TUBB4A: variants seen among roughly 807,000 people sequenced by gnomAD.
The protein encoded by TUBB4A is tubulin beta 4A class IVa.
TUBB4A carries 13 observed loss-of-function variants against 35.1 expected under a neutral mutation model. The observed-to-expected ratio is 0.37, with a 90% CI of 0.24 to 0.59. TUBB4A has a LOEUF of 0.59. TUBB4A is among the 20% of genes least tolerant of loss of function. The probability of loss-of-function intolerance (pLI) is 0.71; values close to 1 mark genes in which losing one functional copy is unlikely to be tolerated. For missense variants in TUBB4A, 299 were observed against 647.2 expected (o/e 0.46, Z 5.84); for synonymous variants, 279 against 272.4 (o/e 1.02, Z -0.24).
In TUBB4A at chr19:6,495,578, G is replaced by A. The variant is rs118102196; in HGVS notation, c.921C>T (p.His307=). ...CGGCGGCCACGGTCAGGTAGCGGCC[G>A]TGGCGCGGGTCGCACGCCGCCATCA... ...KNMMAACDPR[H]GRYLTVAAVF... Residue 307 remains histidine, a synonymous_variant, in exon 4 of 4, where the codon CAC becomes CAT. Transcript: ENST00000264071. This position sits in a 1 kb window ranked among gnomAD's most constrained non-coding sequence, Gnocchi z 8.7. 33,046 of 1,613,948 alleles carry A rather than the reference G, an allele frequency of 0.02. 429 individuals are homozygous for A. The highest frequency in any genetic ancestry group is 0.038 in the Middle Eastern group (229 of 6,048).
chr19:6,502,125 A>C, intron 1 of TUBB4A, 31 bp downstream of exon 1: 1 of 1,542,480 alleles, frequency 6.5e-7, no homozygotes, highest in Non-Finnish European at 8.7e-7. Flanking sequence ...CGGGGCCGCC[A>C]CTGCCTCCCC....
chr19:6,498,077 G>A (rs1196487408), intron 3 of TUBB4A, among the ~76,000 whole-genome samples: 1 of 151,110 alleles, frequency 6.6e-6, no homozygotes, highest in Non-Finnish European at 1.5e-5. Flanking sequence ...TGGATGTGGT[G>A]GTGGGTGCCT....
rs150446118 is a variant in TUBB4A, at chr19:6,495,161, A to G, written c.*3T>C. The G allele has an allele frequency of 1.7e-3, 2,705 of 1,613,558 alleles. 43 individuals carry two copies. In the African/African-American group the frequency reaches 0.032, roughly 19 times the overall value. ...GGGACAGGTGGGAAGCGATGGGAGC[A>G]GCCTAGGCCACCTCCTCCTCCGCCT... On this transcript the variant is annotated 3_prime_UTR_variant, in exon 4 of 4. Coordinates refer to ENST00000264071, the MANE Select transcript of TUBB4A (RefSeq NM_006087.4). The surrounding 1 kb of genome is among the most constrained non-coding windows in gnomAD (Gnocchi z 8.7).
intron 3 of TUBB4A, among the ~76,000 whole-genome samples, chr19:6,499,136 GGCCAACATGGCGAAACCCC>G (rs1246819609): frequency 6.6e-6 from 1 of 152,144 alleles, no homozygotes; most frequent in Non-Finnish European, 1.5e-5. Context: ...AGACCAGCCT[GGCCAACATGGCGAAACCCC>G]GTCACTATTA....
Position 6,501,763 on chromosome 19 carries a change from G to A in TUBB4A, c.58-140C>T. 2.9e-6 allele frequency: 2 copies of A among 688,770 alleles called. No individual in the cohort carries two copies. The highest frequency in any genetic ancestry group is 4.9e-6 in the Non-Finnish European group (2 of 406,968). 42.7% of individuals were successfully genotyped at this position (688,770 alleles called of 1,614,324 possible). A position where few individuals can be genotyped will look rare whatever the true frequency, so the allele number is the denominator to read the frequency against. ...ACGGGGGACCTAGAGGCATGGTGTC[G>A]GGGCGAGGATGAGGCAGCAAGAAGG... On this transcript the variant is annotated intron_variant, in intron 1 of 3. Transcript: ENST00000264071. This position sits in a 1 kb window ranked among gnomAD's most constrained non-coding sequence, Gnocchi z 4.2.
chr19:6,499,648 C>T (rs1399525245), intron 3 of TUBB4A, among the ~76,000 whole-genome samples: 1 of 152,204 alleles, frequency 6.6e-6, no homozygotes, highest in African/African-American at 2.4e-5. Flanking sequence ...AACATCTTTC[C>T]TCCCTTCCAT....
At chr19:6,499,819 C>T (rs549945786) in intron 3 of TUBB4A, among the ~76,000 whole-genome samples, 19 of 148,142 alleles carry the variant, frequency 1.3e-4, no homozygotes, top group African/African-American at 4.3e-4. Flanking sequence ...TTTTTGGAGA[C>T]GAAGTTTCAC....
rs749949876 is a variant in TUBB4A at position 6,501,470 on chromosome 19, T to C, written c.166+45A>G. ...AGGCGCCCGGTAGCATCCTGTTCCC[T>C]CCCAGCTGCCCCTTCCCACCTGGAA... On this transcript the variant is annotated intron_variant, in intron 2 of 3. Coordinates refer to ENST00000264071, the MANE Select transcript of TUBB4A (RefSeq NM_006087.4). The surrounding 1 kb of genome is among the most constrained non-coding windows in gnomAD (Gnocchi z 4.2). 3.7e-6 allele frequency: 6 copies of C among 1,606,226 alleles called. No homozygotes were observed. Among genetic ancestry groups the C allele is most frequent in the Non-Finnish European group, 5.1e-6 (6 of 1,174,200 alleles).
Position 6,494,855 on chromosome 19 carries a change from G to A in TUBB4A, c.*309C>T, listed in dbSNP as rs1205656120. ...GGCAGAGGTCAAAGGTGAAGCAGAA[G>A]TCAGGGGTGAAGGAAGGTCTGCAAA... On this transcript the variant is annotated 3_prime_UTR_variant, in exon 4 of 4. Transcript: ENST00000264071. The A allele has an allele frequency of 2.4e-5, 12 of 491,108 alleles. No individual in the cohort carries two copies. Among genetic ancestry groups the A allele is most frequent in the Non-Finnish European group, 4.4e-5 (12 of 270,018 alleles). 30.4% of individuals were successfully genotyped at this position (491,108 alleles called of 1,614,324 possible). A position where few individuals can be genotyped will look rare whatever the true frequency, so the allele number is the denominator to read the frequency against.
intron 3 of TUBB4A, among the ~76,000 whole-genome samples, chr19:6,499,649 T>G (rs1387792924): frequency 6.6e-6 from 1 of 152,148 alleles, no homozygotes; most frequent in Non-Finnish European, 1.5e-5. Context: ...ACATCTTTCC[T>G]CCCTTCCATG....
rs115002540 is a variant in TUBB4A at position 6,499,521 on chromosome 19, C to T, written c.277+1766G>A. The stretch of plus-strand genomic sequence containing the variant: ...TCTTACATGCTGGGAGTATTGGAGG[C>T]GGGTGGAGCCAGGGTGGGGACATGC... On this transcript the variant is annotated intron_variant, in intron 3 of 3. Coordinates refer to ENST00000264071, the MANE Select transcript of TUBB4A (RefSeq NM_006087.4). 3.2e-3 allele frequency among the ~76,000 whole-genome samples: 492 copies of T among 152,242 alleles called. 6 individuals carry two copies. The highest frequency in any genetic ancestry group is 0.01 in the African/African-American group (422 of 41,542).
At chr19:6,497,217 CAAAT>C (rs1031855549) in intron 3 of TUBB4A, among the ~76,000 whole-genome samples, 3 of 148,752 alleles carry the variant, frequency 2.0e-5, no homozygotes, top group Non-Finnish European at 3.0e-5. Flanking sequence ...GTCTCTAAAA[CAAAT>C]AAATAATAAC....
chr19:6,498,300 C>A (rs1914363140), intron 3 of TUBB4A, among the ~76,000 whole-genome samples: 1 of 152,138 alleles, frequency 6.6e-6, no homozygotes, highest in South Asian at 2.1e-4. Context: ...TCTGTCTCCA[C>A]CTTAGTTCAG....
At position 6,495,473 on chromosome 19, in the gene TUBB4A, C is replaced by T; in HGVS notation, c.1026G>A (p.Val342=). ...SVQSKNSSYF[V]EWIPNNVKTA... ...TCTTCACGTTGTTGGGGATCCACTC[C>T]ACGAAGTAGCTGCTGTTCTTGCTCT... The change falls in exon 4 of 4, where the codon GTG becomes GTA. Residue 342 remains valine (V), a synonymous_variant. Transcript: ENST00000264071. This position sits in a 1 kb window ranked among gnomAD's most constrained non-coding sequence, Gnocchi z 8.7. The T allele has an allele frequency of 6.2e-7, 1 of 1,614,216 alleles. No individual in the cohort carries two copies. The highest frequency in any genetic ancestry group is 8.5e-7 in the Non-Finnish European group (1 of 1,180,038).
At position 6,497,030 on chromosome 19, in the gene TUBB4A, T is replaced by A. The variant is rs1415924862; in HGVS notation, c.278-809A>T. Among the ~76,000 whole-genome samples, 119 of 18,558 alleles carry A rather than the reference T, an allele frequency of 6.4e-3. 6 individuals carry two copies. The highest frequency in any genetic ancestry group is 7.0e-3 in the African/African-American group (26 of 3,728). The allele number at this position is 18,558 out of a possible 152,430, so 12.2% of individuals were successfully genotyped here. A position where few individuals can be genotyped will look rare whatever the true frequency, so the allele number is the denominator to read the frequency against. ...AAAAAAAAAAAAAAAAAAAAATATA[T>A]ATATATATATATATATATATATATA... On this transcript the variant is annotated intron_variant, in intron 3 of 3. Transcript: ENST00000264071.
chr19:6,500,749 A>AAT (rs1427293136), intron 3 of TUBB4A: 1 of 151,684 alleles, frequency 6.6e-6, no homozygotes, highest in Non-Finnish European at 1.5e-5. Context: ...CTGTCTGAAA[A>AAT]AAAAAAAAAA....
chr19:6,498,742 C>T (rs1444987944), intron 3 of TUBB4A, among the ~76,000 whole-genome samples: 2 of 152,254 alleles, frequency 1.3e-5, no homozygotes, highest in Non-Finnish European at 2.9e-5. Flanking sequence ...CCTCCCTCCT[C>T]CTCCCGAGCC....
intron 3 of TUBB4A, among the ~76,000 whole-genome samples, chr19:6,496,994 CAAAAAAAAAAAAAAA>C (rs1211809546): frequency 9.1e-5 from 1 of 10,934 alleles, no homozygotes; most frequent in African/African-American, 2.7e-4. Flanking sequence ...CATGTCTCTA[CAAAAAAAAAAAAAAA>C]AAAAAAAAAA....
At chr19:6,496,537 A>C in intron 3 of TUBB4A, 2 of 238,204 alleles carry the variant, frequency 8.4e-6, no homozygotes, top group Admixed American at 1.0e-4. Flanking sequence ...AGGCTGAGGC[A>C]GGAGAATGGC....
Sources: allele counts gnomAD v4.1 joint callset (sites outside exome capture counted in the v4.1 genomes callset), GRCh38; gene constraint gnomAD v4.1.1; non-coding constraint Gnocchi (gnomAD v3.1); transcripts MANE v1.5; gene names NCBI Gene and HGNC (gene_info 2026-07-23, HGNC 2026-07-21).